FZD3: variants seen among roughly 807,000 people sequenced by gnomAD.
The protein encoded by FZD3 is frizzled-3.
A neutral mutation model predicts 60.7 loss-of-function variants in FZD3; 30 were observed. The observed-to-expected ratio is 0.49, with a 90% CI of 0.37 to 0.67. The LOEUF is 0.67. FZD3 is among the 30% of genes least tolerant of loss of function. The pLI is 0.00. For synonymous variants in FZD3, 246 were observed against 275.2 expected (o/e 0.89, Z 1.05); for missense variants, 605 against 838.7 (o/e 0.72, Z 3.44).
intron 4 of FZD3, among the ~76,000 whole-genome samples, chr8:28,523,524 G>GA (rs2130361010): frequency 6.6e-6 from 1 of 151,544 alleles, no homozygotes; most frequent in South Asian, 2.1e-4. Flanking sequence ...CAAACTCCTG[G>GA]GCTCAGTCAG....
At chr8:28,533,701 G>A (rs1435525824) in intron 5 of FZD3, among the ~76,000 whole-genome samples, 1 of 152,092 alleles carries the variant, frequency 6.6e-6, no homozygotes, top group Non-Finnish European at 1.5e-5. Context: ...CTGATGGAAA[G>A]GGATGTTTTT....
At chr8:28,519,340 T>C (rs528622709) in intron 3 of FZD3, among the ~76,000 whole-genome samples, 3 of 152,346 alleles carry the variant, frequency 2.0e-5, no homozygotes, top group Non-Finnish European at 2.9e-5. Context: ...TATTTTATTG[T>C]GGTTTTATGT....
intron 6 of FZD3, among the ~76,000 whole-genome samples, chr8:28,554,543 G>A (rs183275694): frequency 2.0e-5 from 3 of 151,946 alleles, no homozygotes; most frequent in African/African-American, 7.2e-5. Flanking sequence ...TGTTGGTTTC[G>A]TTGTGTGATT....
intron 5 of FZD3, among the ~76,000 whole-genome samples, chr8:28,545,136 GA>G (rs1049208995): frequency 6.6e-6 from 1 of 152,154 alleles, no homozygotes; most frequent in Non-Finnish European, 1.5e-5. Flanking sequence ...TTATGGAGGG[GA>G]CAAACATTCC....
intron 3 of FZD3, among the ~76,000 whole-genome samples, chr8:28,511,652 G>C (rs1804293978): frequency 1.3e-5 from 2 of 151,976 alleles, no homozygotes; most frequent in South Asian, 4.1e-4. Context: ...TATCCCCTTT[G>C]GTAATATCTT....
Position 28,502,834 on chromosome 8 carries a change from C to T in FZD3, c.-180C>T, listed in dbSNP as rs147460528. ...CCCATATTGTGAAACCAAAAACAAA[C>T]GCCTTTTGTGAGACCAAGCTAACAA... On this transcript the variant is annotated 5_prime_UTR_variant, in exon 3 of 8. The change creates a new upstream start codon in the 5' untranslated region. Transcript: ENST00000240093. 1.0e-5 allele frequency: 4 copies of T among 399,874 alleles called. No individual in the cohort carries two copies. Among genetic ancestry groups the T allele is most frequent in the African/African-American group, 6.2e-5 (3 of 48,642 alleles). 24.8% of individuals were successfully genotyped at this position (399,874 alleles called of 1,614,324 possible).
chr8:28,568,967 A>G lies in FZD3; in HGVS notation c.*5956A>G, dbSNP rs1805754052. ...TAAAAATGTTTTTTACCTTGAAATA[A>G]TTCAGATTTTGAAGATTCACTGTTT... On this transcript the variant is annotated 3_prime_UTR_variant, in exon 8 of 8. Transcript: ENST00000240093. The G allele has an allele frequency of 6.6e-6, 1 of 152,172 alleles. No homozygotes were observed. The highest frequency in any genetic ancestry group is 2.4e-5 in the African/African-American group (1 of 41,452). The allele number at this position is 152,172 out of a possible 1,614,324, so 9.4% of individuals were successfully genotyped here.
At chr8:28,495,507 C>T (rs1803821513) in intron 1 of FZD3, among the ~76,000 whole-genome samples, 1 of 152,160 alleles carries the variant, frequency 6.6e-6, no homozygotes, top group Admixed American at 6.5e-5. Flanking sequence ...GAAACAAAGA[C>T]CTGACTACCC....
intron 4 of FZD3, among the ~76,000 whole-genome samples, chr8:28,526,892 A>G (rs1804726987): frequency 6.6e-6 from 1 of 152,212 alleles, no homozygotes; most frequent in Non-Finnish European, 1.5e-5. Flanking sequence ...AATGTCTGCA[A>G]CACAACCTTG....
At chr8:28,557,523 C>T (rs1805534153) in intron 7 of FZD3, among the ~76,000 whole-genome samples, 1 of 151,946 alleles carries the variant, frequency 6.6e-6, no homozygotes, top group Non-Finnish European at 1.5e-5. Context: ...TTTCTTTTAC[C>T]TTCTGTTGTT....
chr8:28,556,105 C>G (rs1805503551), intron 7 of FZD3, 134 bp downstream of exon 7: 1 of 645,082 alleles, frequency 1.6e-6, no homozygotes, highest in Non-Finnish European at 2.7e-6. Context: ...TAGAGTTGTC[C>G]CAGACTATGG....
chr8:28,539,601 T>C (rs1296112311), intron 5 of FZD3, among the ~76,000 whole-genome samples: 3 of 152,236 alleles, frequency 2.0e-5, no homozygotes, highest in Non-Finnish European at 2.9e-5. Context: ...CACTTACCAG[T>C]TGTATGACAG....
At chr8:28,498,035 T>C (rs1037200646) in intron 1 of FZD3, among the ~76,000 whole-genome samples, 1 of 152,268 alleles carries the variant, frequency 6.6e-6, no homozygotes, top group Admixed American at 6.5e-5. Flanking sequence ...CCTGATGTTA[T>C]ACATTCATAA....
intron 1 of FZD3, among the ~76,000 whole-genome samples, 193 bp from the exon 2 acceptor site, chr8:28,499,740 A>AT (rs1803941570): frequency 6.6e-6 from 1 of 151,836 alleles, no homozygotes; most frequent in East Asian, 1.9e-4. Flanking sequence ...TCACATTTGC[A>AT]TTTTTTATTA....
At position 28,527,943 on chromosome 8, in the gene FZD3, A is replaced by G. The variant is rs1804760888; in HGVS notation, c.1183A>G (p.Ile395Val). 2 of 1,613,908 alleles carry G rather than the reference A, an allele frequency of 1.2e-6. No homozygotes were observed. Among genetic ancestry groups the G allele is most frequent in the Admixed American group, 1.7e-5 (1 of 59,984 alleles). Residue 395 changes from isoleucine to valine, a missense_variant, in exon 5 of 8, where the codon ATA becomes GTA. Transcript: ENST00000240093. The surrounding 1 kb of genome is among the most constrained non-coding windows in gnomAD (Gnocchi z 5.0). ...VGVSLLLAGI[I>V]SLNRVRIEIP... ...GGTTTCTCTCCTCTTAGCTGGCATT[A>G]TATCCCTAAACAGAGTTCGAATTGA... is the stretch of plus-strand genomic sequence containing the variant.
chr8:28,545,815 A>G (rs74454224), intron 5 of FZD3, among the ~76,000 whole-genome samples: 1,958 of 152,362 alleles, frequency 0.013, 47 homozygotes, highest in African/African-American at 0.045. Context: ...ACCAAAAGTC[A>G]TATTTAATAT....
chr8:28,507,752 T>G (rs77225104), intron 3 of FZD3, among the ~76,000 whole-genome samples: 17 of 147,272 alleles, frequency 1.2e-4, no homozygotes, highest in African/African-American at 3.5e-4. Flanking sequence ...AGGGTTTTTG[T>G]TTTTTTTTTG....
chr8:28,530,732 A>G (rs1052313841), intron 5 of FZD3, among the ~76,000 whole-genome samples: 3 of 152,250 alleles, frequency 2.0e-5, no homozygotes, highest in African/African-American at 7.2e-5. Context: ...GACAACCATC[A>G]TCGTGAATTT....
In FZD3 at chr8:28,503,065, G is replaced by A; in HGVS notation, c.52G>A (p.Gly18Arg). Residue 18 changes from glycine (G) to arginine (R), a missense_variant, in exon 3 of 8, where the codon GGG (glycine) becomes AGG (arginine). By Grantham distance (125) the Gly-to-Arg change is moderately radical (BLOSUM62 -2). Transcript: ENST00000240093. Reference protein sequence around the residue: ...FSLWPLTVFMGHIGGHSLFSC... With the variant: ...FSLWPLTVFMRHIGGHSLFSC... The stretch of plus-strand genomic sequence containing the variant: ...TCTTTGGCCCTTGACTGTGTTCATG[G>A]GGCATATAGGTGGGCACAGTTTGTT... The A allele has an allele frequency of 6.2e-7, 1 of 1,613,622 alleles. No individual in the cohort carries two copies. Among genetic ancestry groups the A allele is most frequent in the Non-Finnish European group, 8.5e-7 (1 of 1,179,648 alleles).
Sources: allele counts gnomAD v4.1 joint callset (sites outside exome capture counted in the v4.1 genomes callset), GRCh38; gene constraint gnomAD v4.1.1; non-coding constraint Gnocchi (gnomAD v3.1); transcripts MANE v1.5; gene names NCBI Gene and HGNC (gene_info 2026-07-23, HGNC 2026-07-21).